Variants in BTBD3 observed in about 807,000 individuals in gnomAD.
BTBD3 encodes BTB/POZ domain-containing protein 3.
Under a neutral mutation model 41.6 loss-of-function variants are expected in BTBD3, and 14 were observed. The observed-to-expected ratio is 0.34, with a 90% CI of 0.22 to 0.53. BTBD3 has a LOEUF of 0.53. BTBD3 is among the 20% of genes least tolerant of loss of function. The probability of loss-of-function intolerance (pLI) is 0.95; values close to 1 mark genes in which losing one functional copy is unlikely to be tolerated. For missense variants in BTBD3, 426 were observed against 654.7 expected (o/e 0.65, Z 3.81); for synonymous variants, 249 against 233.7 (o/e 1.07, Z -0.60).
At chr20:11,905,173 T>C (rs945433347) in intron 1 of BTBD3, among the ~76,000 whole-genome samples, 2 of 152,220 alleles carry the variant, frequency 1.3e-5, no homozygotes, top group Non-Finnish European at 2.9e-5. Context: ...CAATAAATAC[T>C]GTCAGTTTTC....
intron 1 of BTBD3, among the ~76,000 whole-genome samples, chr20:11,901,638 A>G (rs963080584): frequency 6.6e-6 from 1 of 152,206 alleles, no homozygotes; most frequent in Non-Finnish European, 1.5e-5. Flanking sequence ...TTACTTTATT[A>G]GCTACTTTCT....
rs116150182 is a variant in BTBD3 at position 11,919,850 on chromosome 20, G to A, written c.536+14G>A. ...CGCTATGCTGAAGTAAGCATCATTC[G>A]TGTGTTTGGAAAGAGTTTGTTTATG... On this transcript the variant is annotated intron_variant, in intron 3 of 3. Coordinates refer to ENST00000378226, the MANE Select transcript of BTBD3 (RefSeq NM_014962.4). 6.2e-6 allele frequency: 10 copies of A among 1,604,428 alleles called. No homozygotes were observed. The highest frequency in any genetic ancestry group is 2.2e-5 in the East Asian group (1 of 44,866).
In BTBD3 at chr20:11,924,415, A is replaced by C. The variant is rs1336824248; in HGVS notation, c.*749A>C. 6 of 152,256 alleles carry C rather than the reference A, an allele frequency of 3.9e-5. No individual in the cohort carries two copies. Among genetic ancestry groups the C allele is most frequent in the Non-Finnish European group, 2.9e-5 (2 of 68,028 alleles). The allele number at this position is 152,256 out of a possible 1,614,324, so 9.4% of individuals were successfully genotyped here. On this transcript the variant is annotated 3_prime_UTR_variant, in exon 4 of 4. Transcript: ENST00000378226. ...TTTAGATTTTATTGTCAGTAGAAAA[A>C]AGTTAAACTCCTACTAATTTAAACT...
Position 11,925,252 on chromosome 20 carries a change from G to A in BTBD3, c.*1586G>A, listed in dbSNP as rs1273990960. The stretch of plus-strand genomic sequence containing the variant: ...TGCAAGTGTGTTTGCCAGCTCAGGA[G>A]CTGTCTCCTCTCTACCTGGCTAGTA... On this transcript the variant is annotated 3_prime_UTR_variant, in exon 4 of 4. Coordinates refer to ENST00000378226, the MANE Select transcript of BTBD3 (RefSeq NM_014962.4). 1 of 152,730 alleles carries A rather than the reference G, an allele frequency of 6.5e-6. No homozygotes were observed. The highest frequency in any genetic ancestry group is 1.5e-5 in the Non-Finnish European group (1 of 68,114). The allele number at this position is 152,730 out of a possible 1,614,324, so 9.5% of individuals were successfully genotyped here.
chr20:11,905,727 G>A (rs2056849213), intron 1 of BTBD3, among the ~76,000 whole-genome samples: 1 of 152,278 alleles, frequency 6.6e-6, no homozygotes, highest in Non-Finnish European at 1.5e-5. Flanking sequence ...AGTAATAAAA[G>A]TTACAGAGCC....
rs1247278886 is a variant in BTBD3 at position 11,926,451 on chromosome 20, ATTAT to A, written c.*2790_*2793del. The A allele has an allele frequency of 9.2e-5, 14 of 152,660 alleles. No individual in the cohort carries two copies. The highest frequency in any genetic ancestry group is 6.5e-4 in the Admixed American group (10 of 15,278). The allele number at this position is 152,660 out of a possible 1,614,324, so 9.5% of individuals were successfully genotyped here. On this transcript the variant is annotated 3_prime_UTR_variant, in exon 4 of 4. Transcript: ENST00000378226. Reference sequence around the variant, plus strand: ...GTGCTTGAATTTAGTAGCTTACAGCATTATTTATGAAGGAAAAAATACATAAATA... The same window carrying A: ...GTGCTTGAATTTAGTAGCTTACAGCATTATGAAGGAAAAAATACATAAATA...
At chr20:11,898,877 GA>G (rs1309631272) in intron 1 of BTBD3, among the ~76,000 whole-genome samples, 1 of 152,132 alleles carries the variant, frequency 6.6e-6, no homozygotes, top group African/African-American at 2.4e-5. Flanking sequence ...TCACTTAACT[GA>G]CAAAAAAGCC....
chr20:11,913,240 G>C (rs2056899860), upstream of BTBD3: 2 of 152,318 alleles, frequency 1.3e-5, no homozygotes, highest in South Asian at 4.1e-4. Context: ...TTAAACAAGA[G>C]TTGCCAGCAT....
In BTBD3 at chr20:11,924,994, G is replaced by A. The variant is rs3177118; in HGVS notation, c.*1328G>A. 63,104 of 152,582 alleles carry A rather than the reference G, an allele frequency of 0.41. 13,185 individuals are homozygous for A. Among genetic ancestry groups the A allele is most frequent in the East Asian group, 0.49 (2,499 of 5,152 alleles). 9.5% of individuals were successfully genotyped at this position (152,582 alleles called of 1,614,324 possible). On this transcript the variant is annotated 3_prime_UTR_variant, in exon 4 of 4. Coordinates refer to ENST00000378226, the MANE Select transcript of BTBD3 (RefSeq NM_014962.4). ...AAATTCTCCTTCGCTGCTGGCTTGT[G>A]CTGGTTTAGTGCCTGTGTCCCTGGC...
At chr20:11,915,855 C>T (rs1395223348), upstream of BTBD3, among the ~76,000 whole-genome samples, 1 of 152,146 alleles carries the variant, frequency 6.6e-6, no homozygotes, top group Non-Finnish European at 1.5e-5. Context: ...TTTTAGAAAA[C>T]ATGTTCTACA....
At chr20:11,909,698 CCTT>C (rs1469170061) in intron 1 of BTBD3, 1 of 152,034 alleles carries the variant, frequency 6.6e-6, no homozygotes, top group Admixed American at 6.6e-5. Flanking sequence ...TTAATTGAGA[CCTT>C]CTGGATATGT....
At chr20:11,920,038 G>A (rs1051057467) in intron 3 of BTBD3, among the ~76,000 whole-genome samples, 2 of 152,144 alleles carry the variant, frequency 1.3e-5, no homozygotes, top group Non-Finnish European at 2.9e-5. Flanking sequence ...ATTTATAATC[G>A]CACCTTGACG....
intron 1 of BTBD3, chr20:11,910,301 A>G (rs1208354691): frequency 1.3e-5 from 2 of 152,216 alleles, no homozygotes; most frequent in Admixed American, 1.3e-4. Flanking sequence ...TCTTTGACCG[A>G]AACATATTAT....
intron 1 of BTBD3, among the ~76,000 whole-genome samples, chr20:11,905,056 C>T (rs143595712): frequency 1.3e-5 from 2 of 152,318 alleles, no homozygotes; most frequent in Admixed American, 6.5e-5. Context: ...TATCACTGCT[C>T]TTATAAGAAC....
At chr20:11,897,610 TTAAC>T (rs1271999501) in intron 1 of BTBD3, among the ~76,000 whole-genome samples, 2 of 152,022 alleles carry the variant, frequency 1.3e-5, no homozygotes, top group African/African-American at 4.8e-5. Context: ...CAGAATCAGT[TTAAC>T]TACTTTTCCC....
intron 1 of BTBD3, among the ~76,000 whole-genome samples, chr20:11,894,017 T>A (rs1048616926): frequency 6.6e-6 from 1 of 152,246 alleles, no homozygotes; most frequent in East Asian, 1.9e-4. Flanking sequence ...TTATTTTTAG[T>A]TTTAGTGGCT....
At position 11,907,044 on chromosome 20, in the gene BTBD3, A is replaced by G. The variant is rs371225749; in HGVS notation, c.-125-11290A>G. Among the ~76,000 whole-genome samples, 52 of 152,322 alleles carry G rather than the reference A, an allele frequency of 3.4e-4. No homozygotes were observed. In the East Asian group the frequency reaches 8.9e-3, roughly 26 times the overall value. On this transcript the variant is annotated intron_variant, in intron 1 of 4. Coordinates refer to the BTBD3 transcript ENST00000254977. Reference sequence around the variant, plus strand: ...ATCATTAAAATTCTTTACTAGCACTATAAATAAATATGCCAGGCCATGAGT... The same window carrying G: ...ATCATTAAAATTCTTTACTAGCACTGTAAATAAATATGCCAGGCCATGAGT...
At chr20:11,910,383 C>T (rs2056882169) in intron 1 of BTBD3, 3 of 152,202 alleles carry the variant, frequency 2.0e-5, no homozygotes, top group Non-Finnish European at 1.5e-5. Context: ...TGAGGTTGTT[C>T]CATTCCAGCA....
chr20:11,919,811 C>A lies in BTBD3; in HGVS notation c.511C>A (p.Pro171Thr). ...TGAAATCCGTATACCAGATGTCGAA[C>A]CTGCTGCTTTTCTCGCTATGCTGAA... ...KDEIRIPDVE[P>T]AAFLAMLKYI... Residue 171 changes from proline (P) to threonine (T), a missense_variant, in exon 3 of 4, where the codon CCT becomes ACT. Pro to Thr is a conservative substitution (Grantham distance 38). Coordinates refer to ENST00000378226, the MANE Select transcript of BTBD3 (RefSeq NM_014962.4). 1.9e-6 allele frequency: 3 copies of A among 1,614,106 alleles called. No individual in the cohort carries two copies. In the South Asian group the frequency reaches 3.3e-5, roughly 18 times the overall value.
Sources: allele counts gnomAD v4.1 joint callset (sites outside exome capture counted in the v4.1 genomes callset), GRCh38; gene constraint gnomAD v4.1.1; transcripts MANE v1.5; gene names NCBI Gene and HGNC (gene_info 2026-07-23, HGNC 2026-07-21).